The following CTNNA1 variants were observed in gnomAD, a reference collection of about 807,000 sequenced individuals.
CTNNA1 encodes catenin alpha 1.
In CTNNA1, 37 loss-of-function variants were observed where a neutral mutation model predicts 98.4. The observed-to-expected ratio is 0.38, with a 90% CI of 0.29 to 0.49. The LOEUF (loss-of-function observed/expected upper bound fraction) is 0.49. CTNNA1 is among the 20% of genes least tolerant of loss of function. The pLI, the probability that CTNNA1 is intolerant of heterozygous loss-of-function variation, is 0.95. For missense variants in CTNNA1, 761 were observed against 1,147.2 expected (o/e 0.66, Z 4.86); for synonymous variants, 404 against 413.2 (o/e 0.98, Z 0.27).
At chr5:138,879,429 A>G (rs1176454208) in intron 7 of CTNNA1, among the ~76,000 whole-genome samples, 1 of 151,834 alleles carries the variant, frequency 6.6e-6, no homozygotes, top group Non-Finnish European at 1.5e-5. Context: ...CCTTGTCTCC[A>G]TCCCTTCCTT....
At chr5:138,916,418 A>G (rs1187774465) in intron 10 of CTNNA1, among the ~76,000 whole-genome samples, 4 of 151,030 alleles carry the variant, frequency 2.6e-5, no homozygotes, top group Non-Finnish European at 5.9e-5. Flanking sequence ...TTTGGAGACA[A>G]GAGTCGTCCT....
chr5:138,810,531 C>G (rs1035623215), intron 4 of CTNNA1, among the ~76,000 whole-genome samples: 1 of 152,030 alleles, frequency 6.6e-6, no homozygotes, highest in African/African-American at 2.4e-5. Flanking sequence ...AAATTTTGTA[C>G]TTTTATTTAT....
In CTNNA1 at chr5:138,810,139, G is replaced by A. The variant is rs777986786; in HGVS notation, c.403G>A (p.Val135Ile). 10 of 1,614,076 alleles carry A rather than the reference G, an allele frequency of 6.2e-6. No individual in the cohort carries two copies. The highest frequency in any genetic ancestry group is 5.1e-6 in the Non-Finnish European group (6 of 1,180,040). ...VRAARALLSA[V>I]TRLLILADMA... is the part of the protein sequence containing the mutation. ...GGCAGCTCGAGCTTTGCTCTCTGCT[G>A]TTACCCGGTTGCTGATTTTGGCTGA... is the stretch of plus-strand genomic sequence containing the variant. Residue 135 changes from valine to isoleucine, a missense_variant, in exon 4 of 18, where the codon GTT becomes ATT. Physicochemically the swap from Val to Ile is conservative, Grantham distance 29. This residue lies in a region of CTNNA1 where 328 missense variants were observed against 354.3 expected (regional missense o/e 0.93). Coordinates refer to ENST00000302763, the MANE Select transcript of CTNNA1 (RefSeq NM_001903.5).
At chr5:138,824,849 G>C (rs1760480542) in intron 6 of CTNNA1, 50 bp downstream of exon 6, 2 of 1,562,686 alleles carry the variant, frequency 1.3e-6, no homozygotes, top group South Asian at 2.3e-5. Flanking sequence ...TCCCCCAAAA[G>C]ATAACAGATT....
intron 1 of CTNNA1, among the ~76,000 whole-genome samples, chr5:138,771,210 A>AT (rs1273713902): frequency 0.014 from 2,087 of 145,512 alleles, 37 homozygotes; most frequent in African/African-American, 0.043. Flanking sequence ...GGTTGGCTGA[A>AT]TTTTTTTTTT....
chr5:138,784,095 G>A (rs1383622086), intron 3 of CTNNA1, among the ~76,000 whole-genome samples: 1 of 152,184 alleles, frequency 6.6e-6, no homozygotes, highest in Non-Finnish European at 1.5e-5. Flanking sequence ...AGTAGAGATG[G>A]GGTTTCACTA....
At chr5:138,764,713 C>T (rs868469901) in intron 1 of CTNNA1, among the ~76,000 whole-genome samples, 1 of 151,684 alleles carries the variant, frequency 6.6e-6, no homozygotes, top group African/African-American at 2.4e-5. Flanking sequence ...TCAGGTGATC[C>T]GCCCACCTCA....
At chr5:138,796,498 C>G (rs1272883424) in intron 3 of CTNNA1, among the ~76,000 whole-genome samples, 1 of 150,774 alleles carries the variant, frequency 6.6e-6, no homozygotes, top group Non-Finnish European at 1.5e-5. Flanking sequence ...GAGCCTAGAT[C>G]GCGCCACTGC....
intron 1 of CTNNA1, among the ~76,000 whole-genome samples, chr5:138,757,964 C>T (rs1411507771): frequency 6.6e-6 from 1 of 152,088 alleles, no homozygotes; most frequent in African/African-American, 2.4e-5. Context: ...GAAATCCTCT[C>T]CATGCAGTCC....
chr5:138,832,128 C>T (rs543809184), intron 7 of CTNNA1, among the ~76,000 whole-genome samples: 2 of 152,318 alleles, frequency 1.3e-5, no homozygotes, highest in Middle Eastern at 3.4e-3. Flanking sequence ...AATTCATCAG[C>T]TGAGGGCCAA....
chr5:138,758,410 GCT>G (rs1751943142), intron 1 of CTNNA1, among the ~76,000 whole-genome samples: 1 of 145,412 alleles, frequency 6.9e-6, no homozygotes, highest in Admixed American at 6.8e-5. Flanking sequence ...ACGGAGTCTC[GCT>G]CTGTCACCAG....
At chr5:138,853,617 A>G (rs1056422584) in intron 7 of CTNNA1, among the ~76,000 whole-genome samples, 1 of 152,180 alleles carries the variant, frequency 6.6e-6, no homozygotes, top group Admixed American at 6.5e-5. Flanking sequence ...GATTACTTAC[A>G]TGCACATAAG....
intron 10 of CTNNA1, among the ~76,000 whole-genome samples, chr5:138,914,008 G>A (rs1043714306): frequency 6.6e-6 from 1 of 152,180 alleles, no homozygotes; most frequent in Non-Finnish European, 1.5e-5. Context: ...GAGCCACTGT[G>A]CTCAGCCAGG....
intron 5 of CTNNA1, among the ~76,000 whole-genome samples, chr5:138,815,027 C>T (rs1196728047): frequency 1.3e-5 from 2 of 152,204 alleles, no homozygotes; most frequent in Admixed American, 6.5e-5. Flanking sequence ...GCTGGGATTA[C>T]AGGCATGAGC....
intron 1 of CTNNA1, among the ~76,000 whole-genome samples, chr5:138,774,482 G>C (rs1015558835): frequency 6.6e-6 from 1 of 152,118 alleles, no homozygotes; most frequent in African/African-American, 2.4e-5. Context: ...GGTAAAGATT[G>C]CCTGGAGTTG....
At position 138,771,160 on chromosome 5, in the gene CTNNA1, A is replaced by G. The variant is rs80180340; in HGVS notation, c.-2-10763A>G. Among the ~76,000 whole-genome samples, 97 of 150,956 alleles carry G rather than the reference A, an allele frequency of 6.4e-4. 3 individuals are homozygous for G. In the East Asian group the frequency reaches 0.017, roughly 27 times the overall value. On this transcript the variant is annotated intron_variant, in intron 1 of 17. Coordinates refer to ENST00000302763, the MANE Select transcript of CTNNA1 (RefSeq NM_001903.5). ...TTGACTGCTTTCTGGGATAGTGACT[A>G]TACAAAGGAGGCACTCATATTTGTG...
chr5:138,900,749 G>T (rs527670808), intron 9 of CTNNA1, among the ~76,000 whole-genome samples: 26 of 152,226 alleles, frequency 1.7e-4, no homozygotes, highest in African/African-American at 5.5e-4. Flanking sequence ...TCTGACACAG[G>T]GGGGCTGTGA....
chr5:138,915,623 A>G (rs1291614691), intron 10 of CTNNA1, among the ~76,000 whole-genome samples: 4 of 152,244 alleles, frequency 2.6e-5, no homozygotes, highest in Admixed American at 2.6e-4. Context: ...TCATAGCAAC[A>G]TGATTCATAA....
intron 7 of CTNNA1, among the ~76,000 whole-genome samples, chr5:138,845,086 G>C (rs1049783311): frequency 6.6e-6 from 1 of 152,122 alleles, no homozygotes; most frequent in Non-Finnish European, 1.5e-5. Flanking sequence ...TGAGCAATAC[G>C]GGGCTTGTGG....
Sources: gnomAD v4.1 joint callset for allele counts (sites outside exome capture counted in the v4.1 genomes callset) on GRCh38, gnomAD v4.1.1 for gene constraint, gnomAD v4.1.1 regional missense constraint, MANE v1.5 for transcripts, NCBI Gene and HGNC (gene_info 2026-07-23, HGNC 2026-07-21) for gene names.